FAM114A1: variants seen among roughly 807,000 people sequenced by gnomAD.
The protein encoded by FAM114A1 is protein NOXP20.
FAM114A1 carries 62 observed loss-of-function variants against 64.3 expected under a neutral mutation model. That is an observed-to-expected ratio of 0.96 (90% CI 0.79 to 1.19). The LOEUF (loss-of-function observed/expected upper bound fraction) is 1.19, where lower values mean the gene tolerates loss of function less well. Among genes scored for constraint, FAM114A1 ranks in the 50% most tolerant of loss-of-function variants. The pLI, the probability that FAM114A1 is intolerant of heterozygous loss-of-function variation, is 0.00. For synonymous variants in FAM114A1, 254 were observed against 251.1 expected (o/e 1.01, Z -0.11); for missense variants, 645 against 676.3 (o/e 0.95, Z 0.51).
intron 3 of FAM114A1, among the ~76,000 whole-genome samples, chr4:38,890,218 A>C (rs1716195925): frequency 6.6e-6 from 1 of 151,946 alleles, no homozygotes; most frequent in Non-Finnish European, 1.5e-5. Flanking sequence ...TCCTGGCCAA[A>C]ATGGTGAAAC....
intron 3 of FAM114A1, among the ~76,000 whole-genome samples, chr4:38,882,691 A>G (rs1348450293): frequency 1.3e-5 from 2 of 152,224 alleles, no homozygotes; most frequent in African/African-American, 2.4e-5. Flanking sequence ...GGCAGAATAG[A>G]CTTTGAGGAC....
chr4:38,943,355 A>AT (rs34903665), intron 14 of FAM114A1, 101 bp from the exon 15 acceptor site: 602,553 of 945,772 alleles, frequency 0.64, 195,617 homozygotes, highest in African/African-American at 0.83. Context: ...ATAATCCAAT[A>AT]TGGGGGGTGG....
intron 13 of FAM114A1, 55 bp from the exon 14 acceptor site, chr4:38,940,911 GGC>G: frequency 6.4e-7 from 1 of 1,559,676 alleles, no homozygotes; most frequent in Non-Finnish European, 8.8e-7. Context: ...CATTTTACGT[GGC>G]AAGCCTTGTA....
In FAM114A1 at chr4:38,922,727, A is replaced by G. The variant is rs759940301; in HGVS notation, c.946-43A>G. On this transcript the variant is annotated intron_variant, in intron 8 of 14. Transcript: ENST00000358869. ...CCGCTGTGTGTAAACGTTATTAACGAGAAGAAAAGATGACAGTCGTGCTGA... is the reference window on the plus strand; with the variant it reads ...CCGCTGTGTGTAAACGTTATTAACGGGAAGAAAAGATGACAGTCGTGCTGA... The G allele has an allele frequency of 3.2e-6, 5 of 1,584,644 alleles. No homozygotes were observed. The African/African-American group carries it at 5.5e-5, about 17-fold the overall frequency.
intron 4 of FAM114A1, among the ~76,000 whole-genome samples, chr4:38,896,139 A>T (rs1716917390): frequency 6.6e-6 from 1 of 152,176 alleles, no homozygotes; most frequent in African/African-American, 2.4e-5. Context: ...GTACATGAGG[A>T]AAGTCATTAA....
intron 3 of FAM114A1, among the ~76,000 whole-genome samples, chr4:38,887,052 A>G (rs1209976062): frequency 1.3e-5 from 2 of 148,976 alleles, no homozygotes; most frequent in African/African-American, 5.0e-5. Flanking sequence ...TGGAGGTGCT[A>G]TGGTACCTAA....
intron 7 of FAM114A1, among the ~76,000 whole-genome samples, chr4:38,913,291 C>T (rs1329277827): frequency 6.6e-6 from 1 of 152,180 alleles, no homozygotes; most frequent in African/African-American, 2.4e-5. Flanking sequence ...TGTCTTTTTG[C>T]TTAACCAACA....
chr4:38,936,166 C>G (rs906170784), intron 13 of FAM114A1, among the ~76,000 whole-genome samples: 2 of 151,142 alleles, frequency 1.3e-5, no homozygotes, highest in African/African-American at 4.9e-5. Flanking sequence ...GATCTCGGCT[C>G]ACTGCAAGCT....
chr4:38,916,399 G>A (rs1719052924), intron 8 of FAM114A1, among the ~76,000 whole-genome samples: 1 of 152,152 alleles, frequency 6.6e-6, no homozygotes. Flanking sequence ...TGTTATAAAT[G>A]ATTCAAAGGA....
rs371320188 is a variant in FAM114A1, at chr4:38,937,493, G to A, written c.1536+1703G>A. On this transcript the variant is annotated intron_variant, in intron 13 of 14. Coordinates refer to ENST00000358869, the MANE Select transcript of FAM114A1 (RefSeq NM_138389.4). Reference sequence around the variant, plus strand: ...AGGACACCAGGCCTATTTGGTTAGCGCGTGACCAATATGACCTCATCCTAA... The same window carrying A: ...AGGACACCAGGCCTATTTGGTTAGCACGTGACCAATATGACCTCATCCTAA... Among the ~76,000 whole-genome samples the A allele has an allele frequency of 2.4e-4, 37 of 152,202 alleles. 1 individual carries two copies. Among genetic ancestry groups the A allele is most frequent in the African/African-American group, 6.0e-4 (25 of 41,520 alleles).
chr4:38,900,284 G>A (rs1461926243), intron 4 of FAM114A1, among the ~76,000 whole-genome samples: 4 of 151,704 alleles, frequency 2.6e-5, no homozygotes, highest in African/African-American at 4.8e-5. Context: ...GAACCCTTGT[G>A]TGCTCTTGGT....
chr4:38,889,189 T>C (rs1333778869), intron 3 of FAM114A1, among the ~76,000 whole-genome samples: 1 of 152,196 alleles, frequency 6.6e-6, no homozygotes, highest in African/African-American at 2.4e-5. Flanking sequence ...TATTAACTCT[T>C]CCTAATCATA....
chr4:38,930,040 C>A (rs1338536476), intron 10 of FAM114A1, among the ~76,000 whole-genome samples: 1 of 152,186 alleles, frequency 6.6e-6, no homozygotes, highest in Admixed American at 6.5e-5. Context: ...CCCCGCCCCC[C>A]TTCTAAAGAA....
At chr4:38,926,914 A>G (rs888523909) in intron 9 of FAM114A1, among the ~76,000 whole-genome samples, 7 of 147,682 alleles carry the variant, frequency 4.7e-5, no homozygotes, top group Non-Finnish European at 7.7e-5. Flanking sequence ...ACTGGATTAT[A>G]TGCTGCAAAA....
At chr4:38,914,055 G>A (rs999397116) in intron 7 of FAM114A1, among the ~76,000 whole-genome samples, 6 of 152,102 alleles carry the variant, frequency 3.9e-5, no homozygotes, top group East Asian at 1.9e-4. Context: ...AGCTGAGATC[G>A]TACCCTTGCA....
rs1721757815 is a variant in FAM114A1, at chr4:38,943,714, G to A, written c.*157G>A. 2 of 531,642 alleles carry A rather than the reference G, an allele frequency of 3.8e-6. No individual in the cohort carries two copies. Among genetic ancestry groups the A allele is most frequent in the Non-Finnish European group, 6.9e-6 (2 of 291,704 alleles). The allele number at this position is 531,642 out of a possible 1,614,324, so 32.9% of individuals were successfully genotyped here. A position where few individuals can be genotyped will look rare whatever the true frequency, so the allele number is the denominator to read the frequency against. The stretch of plus-strand genomic sequence containing the variant: ...ACAATATTGAGAATGCAAATTTAGA[G>A]AGAGTTATCATTTCTCTCAATGTGT... On this transcript the variant is annotated 3_prime_UTR_variant, in exon 15 of 15. Coordinates refer to ENST00000358869, the MANE Select transcript of FAM114A1 (RefSeq NM_138389.4).
intron 3 of FAM114A1, among the ~76,000 whole-genome samples, chr4:38,886,989 C>T (rs6854677): frequency 0.48 from 71,855 of 151,006 alleles, 17,152 homozygotes; most frequent in Middle Eastern, 0.53. Context: ...AGAAAAAGGC[C>T]GAAAAGCTAG....
chr4:38,903,109 G>T (rs1178049279), intron 4 of FAM114A1, among the ~76,000 whole-genome samples: 15 of 152,126 alleles, frequency 9.9e-5, no homozygotes, highest in Non-Finnish European at 2.1e-4. Context: ...TTCAGAAAAA[G>T]AATTGTTAAT....
chr4:38,918,492 CA>C (rs1305119681), intron 8 of FAM114A1, among the ~76,000 whole-genome samples: 1 of 152,182 alleles, frequency 6.6e-6, no homozygotes, highest in Non-Finnish European at 1.5e-5. Flanking sequence ...TGACTAGTTA[CA>C]TTTTAACTTT....
Sources: allele counts gnomAD v4.1 joint callset (sites outside exome capture counted in the v4.1 genomes callset), GRCh38; gene constraint gnomAD v4.1.1; transcripts MANE v1.5; gene names NCBI Gene and HGNC (gene_info 2026-07-23, HGNC 2026-07-21).